The following VEPH1 variants were observed in gnomAD, a reference collection of about 807,000 sequenced individuals.
VEPH1 encodes the protein ventricular zone expressed PH domain containing 1, also known as ventricular zone-expressed PH domain-containing protein homolog 1.
VEPH1 carries 80 observed loss-of-function variants against 85.2 expected under a neutral mutation model. The ratio of observed to expected loss-of-function variants is 0.94; its 90% CI spans 0.78 to 1.13. The LOEUF (loss-of-function observed/expected upper bound fraction) is 1.13, where lower values mean the gene tolerates loss of function less well. Among genes scored for constraint, VEPH1 ranks in the 50% most tolerant of loss-of-function variants. The pLI, the probability that VEPH1 is intolerant of heterozygous loss-of-function variation, is 0.00. For synonymous variants in VEPH1, 297 were observed against 348.0 expected (o/e 0.85, Z 1.63); for missense variants, 955 against 980.5 (o/e 0.97, Z 0.35).
chr3:157,497,207 TGAA>T (rs1739733854), intron 1 of VEPH1, among the ~76,000 whole-genome samples: 1 of 152,186 alleles, frequency 6.6e-6, no homozygotes, highest in South Asian at 2.1e-4. Flanking sequence ...ATATTAATGA[TGAA>T]GGTGTGAGCA....
intron 11 of VEPH1, among the ~76,000 whole-genome samples, chr3:157,295,751 T>G (rs1169942856): frequency 1.3e-5 from 2 of 152,244 alleles, no homozygotes; most frequent in East Asian, 3.9e-4. Flanking sequence ...GCTCAGGAGT[T>G]GGAGACCAGC....
chr3:157,470,622 G>T, intron 2 of VEPH1, 93 bp from the exon 3 acceptor site: 1 of 1,240,238 alleles, frequency 8.1e-7, no homozygotes, highest in Non-Finnish European at 1.2e-6. Flanking sequence ...GAAAATGGGT[G>T]CACCAGGCTG....
intron 9 of VEPH1, among the ~76,000 whole-genome samples, chr3:157,357,276 A>C (rs1725547680): frequency 6.6e-6 from 1 of 152,220 alleles, no homozygotes; most frequent in South Asian, 2.1e-4. Context: ...TAGGGGAATT[A>C]GGCATTTCAA....
chr3:157,437,813 A>C, intron 4 of VEPH1: 2 of 1,462,224 alleles, frequency 1.4e-6, no homozygotes, highest in Middle Eastern at 2.4e-4. Context: ...CGCCCAGAGG[A>C]GGCGGGGCGC....
At chr3:157,498,712 T>G (rs577359650) in intron 1 of VEPH1, among the ~76,000 whole-genome samples, 64 of 152,356 alleles carry the variant, frequency 4.2e-4, no homozygotes, top group African/African-American at 1.5e-3. Flanking sequence ...CATTATTTAT[T>G]TTTCAGCAGC....
chr3:157,277,757 AT>A (rs2108322291), intron 12 of VEPH1, among the ~76,000 whole-genome samples: 1 of 152,372 alleles, frequency 6.6e-6, no homozygotes, highest in African/African-American at 2.4e-5. Context: ...ATATATGAAT[AT>A]ATCACACATT....
intron 11 of VEPH1, among the ~76,000 whole-genome samples, chr3:157,290,752 C>T (rs1443810339): frequency 1.3e-5 from 2 of 152,130 alleles, no homozygotes; most frequent in Non-Finnish European, 2.9e-5. Flanking sequence ...AAGATTAAAA[C>T]TCACTGGAGG....
chr3:157,413,557 A>G (rs1731679889), intron 6 of VEPH1: 4 of 985,340 alleles, frequency 4.1e-6, no homozygotes, highest in Non-Finnish European at 4.8e-6. Context: ...TGCTCTCTCC[A>G]TTTTAACCCT....
At chr3:157,437,144 G>C (rs1733662025) in intron 4 of VEPH1, 1 of 1,531,784 alleles carries the variant, frequency 6.5e-7, no homozygotes, top group Non-Finnish European at 8.9e-7. Context: ...TATACTTTGT[G>C]GCCAGTGAGA....
chr3:157,373,113 C>G (rs887763124), intron 7 of VEPH1, among the ~76,000 whole-genome samples: 10 of 152,162 alleles, frequency 6.6e-5, no homozygotes, highest in Non-Finnish European at 1.2e-4. Flanking sequence ...ATTAGTAACT[C>G]CATTTACAGA....
intron 10 of VEPH1, 24 bp from the exon 11 acceptor site, chr3:157,313,779 A>G: frequency 6.2e-7 from 1 of 1,613,656 alleles, no homozygotes; most frequent in Non-Finnish European, 8.5e-7. Flanking sequence ...AAAGACAGAA[A>G]CAGAATATAC....
In VEPH1 at chr3:157,279,993, C is replaced by T. The variant is rs552310624; in HGVS notation, c.2128+6564G>A. On this transcript the variant is annotated intron_variant, in intron 12 of 13. Transcript: ENST00000362010. ...ACTGTGCCACTGCACTCCAGCCTGG[C>T]GACAGAGCAAGACTCTGTTTCAAAA... Among the ~76,000 whole-genome samples the T allele has an allele frequency of 4.7e-3, 591 of 126,318 alleles. 2 individuals are homozygous for T. Among genetic ancestry groups the T allele is most frequent in the Admixed American group, 9.9e-3 (101 of 10,186 alleles). The allele number at this position is 126,318 out of a possible 152,430, so 82.9% of individuals were successfully genotyped here. A position where few individuals can be genotyped will look rare whatever the true frequency, so the allele number is the denominator to read the frequency against.
chr3:157,465,136 G>A (rs759990627), intron 3 of VEPH1, among the ~76,000 whole-genome samples: 9 of 152,132 alleles, frequency 5.9e-5, no homozygotes, highest in Non-Finnish European at 1.3e-4. Context: ...GAGAAATGTA[G>A]CTGCTGTGAA....
At chr3:157,502,803 G>A (rs1740218725) in intron 1 of VEPH1, among the ~76,000 whole-genome samples, 2 of 152,258 alleles carry the variant, frequency 1.3e-5, no homozygotes, top group South Asian at 2.1e-4. Flanking sequence ...GGAAAAAACG[G>A]CAGCAGCAAC....
At chr3:157,285,264 C>A (rs921205891) in intron 12 of VEPH1, 7 of 152,182 alleles carry the variant, frequency 4.6e-5, no homozygotes, top group Admixed American at 1.3e-4. Context: ...TGGCTCAATC[C>A]AGACTCTGTA....
chr3:157,281,006 G>A (rs550637320), intron 12 of VEPH1, among the ~76,000 whole-genome samples: 1 of 152,258 alleles, frequency 6.6e-6, no homozygotes, highest in East Asian at 1.9e-4. Flanking sequence ...ATACAGAAGT[G>A]TAGGCAGAGG....
chr3:157,372,738 C>G (rs776349997), intron 7 of VEPH1, among the ~76,000 whole-genome samples: 1 of 152,110 alleles, frequency 6.6e-6, no homozygotes, highest in African/African-American at 2.4e-5. Context: ...TTTCATGTCA[C>G]AGACCAATAT....
At position 157,363,592 on chromosome 3, in the gene VEPH1, G is replaced by A; in HGVS notation, c.1507C>T (p.Leu503=). ...PFKTDTERSQ[L]GESSVSYPNI... is the part of the protein sequence containing the mutation. ...GGGTATGAAACTGAAGACTCCCCCAGCTGTGATCTCTCAGTGTCTGTCTTA... is the reference window on the plus strand; with the variant it reads ...GGGTATGAAACTGAAGACTCCCCCAACTGTGATCTCTCAGTGTCTGTCTTA... Residue 503 remains leucine, a synonymous_variant, in exon 9 of 14, where the codon CTG becomes TTG. Transcript: ENST00000362010. The A allele has an allele frequency of 6.2e-7, 1 of 1,614,122 alleles. No homozygotes were observed. The highest frequency in any genetic ancestry group is 1.1e-5 in the South Asian group (1 of 91,078).
intron 9 of VEPH1, among the ~76,000 whole-genome samples, chr3:157,319,242 A>T (rs1340978530): frequency 6.6e-6 from 1 of 152,210 alleles, no homozygotes; most frequent in Non-Finnish European, 1.5e-5. Context: ...AATTAAAAAG[A>T]TTTAAGTTGA....
Sources: gnomAD v4.1 joint callset for allele counts (sites outside exome capture counted in the v4.1 genomes callset) on GRCh38, gnomAD v4.1.1 for gene constraint, MANE v1.5 for transcripts, NCBI Gene and HGNC (gene_info 2026-07-23, HGNC 2026-07-21) for gene names.